Variants in ST8SIA4 observed in about 807,000 individuals in gnomAD.
The protein encoded by ST8SIA4 is ST8 alpha-N-acetyl-neuraminide alpha-2,8-sialyltransferase 4.
ST8SIA4 carries 15 observed loss-of-function variants against 33.9 expected under a neutral mutation model. The ratio of observed to expected loss-of-function variants is 0.44; its 90% CI spans 0.30 to 0.68. The LOEUF (loss-of-function observed/expected upper bound fraction) is 0.68, where lower values mean the gene tolerates loss of function less well. Among genes scored for constraint, ST8SIA4 ranks in the 30% least tolerant of loss-of-function variants. The pLI is 0.10. For synonymous variants in ST8SIA4, 171 were observed against 151.2 expected (o/e 1.13, Z -0.96); for missense variants, 321 against 428.0 (o/e 0.75, Z 2.21).
At position 100,856,425 on chromosome 5, in the gene ST8SIA4, TG is replaced by T. The variant is rs1751815109; in HGVS notation, c.504-30del. 3.2e-6 allele frequency: 5 copies of T among 1,560,040 alleles called. No individual in the cohort carries two copies. In the African/African-American group the frequency reaches 7.0e-5, roughly 22 times the overall value. On this transcript the variant is annotated intron_variant, in intron 3 of 4. Transcript: ENST00000231461. ...AAGAGGAAAAAATTAATGGGACAAA[TG>T]AAAAAAAAAGAAATATTCACTGGTA... is the stretch of plus-strand genomic sequence containing the variant.
rs1303609851 is a variant in ST8SIA4 at position 100,898,016 on chromosome 5, T to C, written c.114-2231A>G. On this transcript the variant is annotated intron_variant, in intron 1 of 4. Coordinates refer to ENST00000231461, the MANE Select transcript of ST8SIA4 (RefSeq NM_005668.6). ...CATGATTTCAGGTGCAAACTATCAC[T>C]ATTTCTGTGGATAAGGTATATTTCT... Among the ~76,000 whole-genome samples, 151 of 152,364 alleles carry C rather than the reference T, an allele frequency of 9.9e-4. 3 individuals carry two copies. Among genetic ancestry groups the C allele is most frequent in the Non-Finnish European group, 7.3e-5 (5 of 68,038 alleles).
chr5:100,877,974 T>C lies in ST8SIA4; in HGVS notation c.503+8369A>G, dbSNP rs185461232. Among the ~76,000 whole-genome samples, 5 of 152,280 alleles carry C rather than the reference T, an allele frequency of 3.3e-5. No homozygotes were observed. The East Asian group carries it at 9.7e-4, about 29-fold the overall frequency. ...TGATTTCAGAAATTCAAATGGCTATTAATTAACCTTTGAAAAGGATCTAAC... is the reference window on the plus strand; with the variant it reads ...TGATTTCAGAAATTCAAATGGCTATCAATTAACCTTTGAAAAGGATCTAAC... On this transcript the variant is annotated intron_variant, in intron 3 of 4. Transcript: ENST00000231461.
chr5:100,886,968 G>A (rs1028474212), intron 2 of ST8SIA4, among the ~76,000 whole-genome samples: 3 of 151,980 alleles, frequency 2.0e-5, no homozygotes, highest in African/African-American at 4.8e-5. Context: ...TAGCTTCAGC[G>A]TATTTTGATA....
At chr5:100,863,623 A>C (rs1751996486) in intron 3 of ST8SIA4, among the ~76,000 whole-genome samples, 1 of 152,204 alleles carries the variant, frequency 6.6e-6, no homozygotes, top group South Asian at 2.1e-4. Flanking sequence ...ACACATAAAC[A>C]AATGTTATTG....
At chr5:100,863,564 T>C (rs1317931611) in intron 3 of ST8SIA4, among the ~76,000 whole-genome samples, 1 of 152,184 alleles carries the variant, frequency 6.6e-6, no homozygotes. Flanking sequence ...ATCTTCTTTC[T>C]CTTCAAAAGA....
chr5:100,812,622 A>G (rs557225288), intron 4 of ST8SIA4, among the ~76,000 whole-genome samples: 1 of 152,296 alleles, frequency 6.6e-6, no homozygotes, highest in East Asian at 1.9e-4. Context: ...TGATTTATTC[A>G]GCTCCAATTT....
chr5:100,809,015 A>T lies in ST8SIA4; in HGVS notation c.*2832T>A, dbSNP rs926921272. 2 of 152,632 alleles carry T rather than the reference A, an allele frequency of 1.3e-5. No individual in the cohort carries two copies. The highest frequency in any genetic ancestry group is 6.5e-5 in the Admixed American group (1 of 15,282). The allele number at this position is 152,632 out of a possible 1,614,324, so 9.5% of individuals were successfully genotyped here. The stretch of plus-strand genomic sequence containing the variant: ...GCAATGTATTTAGAGAACACAAAGG[A>T]TATGGTGACAAAGTAATGTGAAAAA... On this transcript the variant is annotated 3_prime_UTR_variant, in exon 5 of 5. Coordinates refer to ENST00000231461, the MANE Select transcript of ST8SIA4 (RefSeq NM_005668.6).
rs1750789714 is a variant in ST8SIA4 at position 100,810,338 on chromosome 5, C to G, written c.*1509G>C. 1 of 139,082 alleles carries G rather than the reference C, an allele frequency of 7.2e-6. No individual in the cohort carries two copies. Among genetic ancestry groups the G allele is most frequent in the Non-Finnish European group, 1.6e-5 (1 of 63,010 alleles). The allele number at this position is 139,082 out of a possible 1,614,324, so 8.6% of individuals were successfully genotyped here. On this transcript the variant is annotated 3_prime_UTR_variant, in exon 5 of 5. Transcript: ENST00000231461. ...ATATTGACACAATTTCACTGTTAAA[C>G]CTCTTGAAATTAATCATCTCTGTTT...
chr5:100,860,412 T>C (rs1408037297), intron 3 of ST8SIA4, among the ~76,000 whole-genome samples: 1 of 152,150 alleles, frequency 6.6e-6, no homozygotes, highest in African/African-American at 2.4e-5. Context: ...TTTGCTCCCA[T>C]CTTGTTTCTC....
intron 2 of ST8SIA4, among the ~76,000 whole-genome samples, chr5:100,891,250 T>A (rs1345318241): frequency 6.6e-6 from 1 of 151,738 alleles, no homozygotes; most frequent in African/African-American, 2.4e-5. Flanking sequence ...ATGTTAGGAA[T>A]CAGTTTTTGC....
chr5:100,820,800 A>G (rs1751017765), intron 4 of ST8SIA4, among the ~76,000 whole-genome samples: 1 of 152,200 alleles, frequency 6.6e-6, no homozygotes, highest in African/African-American at 2.4e-5. Flanking sequence ...TAAGCATCAT[A>G]TAATAGATGG....
In ST8SIA4 at chr5:100,815,850, G is replaced by A. The variant is rs73775640; in HGVS notation, c.798-3721C>T. ...CAGTTAACAATATTTAACAAGAAAG[G>A]TTGTAATGCTGTAAAAGAGACAGTA... On this transcript the variant is annotated intron_variant, in intron 4 of 4. Transcript: ENST00000231461. Among the ~76,000 whole-genome samples, 949 of 152,202 alleles carry A rather than the reference G, an allele frequency of 6.2e-3. 14 individuals carry two copies. The highest frequency in any genetic ancestry group is 0.021 in the African/African-American group (892 of 41,538).
intron 4 of ST8SIA4, among the ~76,000 whole-genome samples, chr5:100,814,155 T>C (rs1214080826): frequency 1.3e-5 from 2 of 152,002 alleles, no homozygotes; most frequent in Non-Finnish European, 2.9e-5. Flanking sequence ...GAAAGCAAAA[T>C]TATTGGCTTT....
At chr5:100,851,222 A>G (rs998603675) in intron 4 of ST8SIA4, among the ~76,000 whole-genome samples, 2 of 151,886 alleles carry the variant, frequency 1.3e-5, no homozygotes, top group Non-Finnish European at 2.9e-5. Context: ...CGGCCTCCCA[A>G]AGTGATGGGA....
intron 4 of ST8SIA4, among the ~76,000 whole-genome samples, chr5:100,853,247 T>G (rs954851677): frequency 6.6e-6 from 1 of 152,198 alleles, no homozygotes; most frequent in African/African-American, 2.4e-5. Flanking sequence ...GTACACACAT[T>G]AGGTCAAAAC....
intron 1 of ST8SIA4, chr5:100,900,284 C>T (rs553806364): frequency 5.3e-5 from 20 of 378,284 alleles, no homozygotes; most frequent in Non-Finnish European, 4.8e-5. Context: ...GCTCGCAGTG[C>T]CCCCCAAAGG....
At chr5:100,900,649 G>A (rs1327295575) in intron 1 of ST8SIA4, among the ~76,000 whole-genome samples, 3 of 152,036 alleles carry the variant, frequency 2.0e-5, no homozygotes, top group Non-Finnish European at 4.4e-5. Context: ...ACAGGGCACG[G>A]GTGTAAGCGC....
intron 3 of ST8SIA4, among the ~76,000 whole-genome samples, chr5:100,861,495 C>T (rs1032274630): frequency 3.5e-4 from 53 of 152,020 alleles, no homozygotes; most frequent in African/African-American, 1.1e-3. Context: ...ATGGAATCAT[C>T]GGTCAAATTT....
chr5:100,813,005 T>G (rs950234891), intron 4 of ST8SIA4, among the ~76,000 whole-genome samples: 2 of 152,054 alleles, frequency 1.3e-5, no homozygotes, highest in African/African-American at 4.8e-5. Flanking sequence ...ACACAAAAAC[T>G]TAATAAGTTT....
Sources: gnomAD v4.1 joint callset for allele counts (sites outside exome capture counted in the v4.1 genomes callset) on GRCh38, gnomAD v4.1.1 for gene constraint, MANE v1.5 for transcripts, NCBI Gene and HGNC (gene_info 2026-07-23, HGNC 2026-07-21) for gene names.